Variants in RPH3A observed in about 807,000 individuals in gnomAD.
The protein encoded by RPH3A is rabphilin 3A, also known as rabphilin-3A.
RPH3A carries 48 observed loss-of-function variants against 102.2 expected under a neutral mutation model. That is an observed-to-expected ratio of 0.47 (90% CI 0.37 to 0.60). RPH3A has a LOEUF of 0.60. Ranked by LOEUF, RPH3A falls within the 20% of genes least tolerant of loss-of-function variation. RPH3A has a pLI of 0.00. For synonymous variants in RPH3A, 310 were observed against 324.3 expected, an observed-to-expected ratio of 0.96 and a Z score of 0.47; for missense variants, 781 against 910.1, an observed-to-expected ratio of 0.86 and a Z score of 1.83.
At chr12:112,670,749 G>T (rs2040122482) in intron 1 of RPH3A, among the ~76,000 whole-genome samples, 1 of 152,140 alleles carries the variant, frequency 6.6e-6, no homozygotes, top group African/African-American at 2.4e-5. Context: ...TCTATTTCAA[G>T]CTTGTTCTCA....
upstream of RPH3A, among the ~76,000 whole-genome samples, chr12:112,788,472 A>C (rs1419213187): frequency 1.3e-5 from 2 of 152,178 alleles, no homozygotes; most frequent in Non-Finnish European, 2.9e-5. Context: ...GACAGACCTG[A>C]GATTTGCATC....
At chr12:112,836,446 A>C (rs1479396107) in intron 3 of RPH3A, 45 bp from the exon 4 acceptor site, 1 of 1,241,202 alleles carries the variant, frequency 8.1e-7, no homozygotes, top group South Asian at 1.4e-5. Flanking sequence ...TTCTTACCTA[A>C]CTTTATTCAT....
chr12:112,846,895 G>C (rs2042239253), intron 4 of RPH3A, among the ~76,000 whole-genome samples: 1 of 152,170 alleles, frequency 6.6e-6, no homozygotes, highest in African/African-American at 2.4e-5. Context: ...AACTGTGCAG[G>C]CTCCCTGGGT....
chr12:112,834,292 T>C (rs1593060558), intron 3 of RPH3A, among the ~76,000 whole-genome samples: 1 of 152,260 alleles, frequency 6.6e-6, no homozygotes, highest in Non-Finnish European at 1.5e-5. Flanking sequence ...TCCAATCATA[T>C]TGTTTTGTAT....
intron 1 of RPH3A, among the ~76,000 whole-genome samples, chr12:112,583,253 T>C (rs1399731516): frequency 1.3e-5 from 2 of 152,224 alleles, no homozygotes; most frequent in African/African-American, 2.4e-5. Context: ...GTTTGTTCAA[T>C]AGTGCCAGGT....
chr12:112,661,666 A>G (rs1488657867), intron 1 of RPH3A, among the ~76,000 whole-genome samples: 1 of 152,208 alleles, frequency 6.6e-6, no homozygotes, highest in Non-Finnish European at 1.5e-5. Flanking sequence ...CTCAGAAATG[A>G]GTGAGAGGCT....
intron 1 of RPH3A, among the ~76,000 whole-genome samples, chr12:112,748,553 T>C (rs2040763927): frequency 6.6e-6 from 1 of 152,150 alleles, no homozygotes; most frequent in South Asian, 2.1e-4. Context: ...CGGGCTGGTC[T>C]TGAACTCCTG....
chr12:112,680,414 G>T (rs1012129147), intron 1 of RPH3A, among the ~76,000 whole-genome samples: 1 of 152,106 alleles, frequency 6.6e-6, no homozygotes, highest in African/African-American at 2.4e-5. Context: ...CTTGCCATGT[G>T]CCAGACACTT....
At chr12:112,666,213 G>T (rs921527426) in intron 1 of RPH3A, among the ~76,000 whole-genome samples, 4 of 152,228 alleles carry the variant, frequency 2.6e-5, no homozygotes, top group African/African-American at 9.6e-5. Flanking sequence ...GTTTCAGACA[G>T]AAATGGAACT....
intron 1 of RPH3A, among the ~76,000 whole-genome samples, chr12:112,602,297 C>T (rs1051092862): frequency 4.0e-4 from 61 of 152,166 alleles, no homozygotes; most frequent in African/African-American, 1.3e-3. Flanking sequence ...AAGCCCTCTG[C>T]CTTTCTAACA....
At chr12:112,610,343 A>C (rs987237028) in intron 1 of RPH3A, among the ~76,000 whole-genome samples, 3 of 151,982 alleles carry the variant, frequency 2.0e-5, no homozygotes, top group Admixed American at 6.6e-5. Context: ...TCTCTACTAA[A>C]AATACAAAAA....
At position 112,698,855 on chromosome 12, in the gene RPH3A, TCCTTCC is replaced by T. The variant is rs575847434; in HGVS notation, c.-139-93263_-139-93258del. On this transcript the variant is annotated intron_variant, in intron 1 of 21. Transcript: ENST00000543106. ...CTCCTTCCCCTTTTCCTTCTCCTTC[TCCTTCC>T]CCTTCCCCTTCCCCTTCCCCTTCCG... 3.6e-3 allele frequency among the ~76,000 whole-genome samples: 537 copies of T among 149,316 alleles called. 3 individuals are homozygous for T. The highest frequency in any genetic ancestry group is 0.017 in the Middle Eastern group (5 of 288).
chr12:112,756,219 CT>C (rs1030816985), intron 1 of RPH3A, among the ~76,000 whole-genome samples: 71 of 145,470 alleles, frequency 4.9e-4, no homozygotes, highest in African/African-American at 4.5e-4. Context: ...ACACATCACG[CT>C]TTTTTTTTTT....
At chr12:112,856,322 A>G (rs998765491) in intron 5 of RPH3A, among the ~76,000 whole-genome samples, 1 of 152,240 alleles carries the variant, frequency 6.6e-6, no homozygotes, top group Non-Finnish European at 1.5e-5. Context: ...TTTTTGTGGG[A>G]GGCTGAGCAT....
At chr12:112,702,940 C>G (rs942254135) in intron 1 of RPH3A, among the ~76,000 whole-genome samples, 3 of 152,174 alleles carry the variant, frequency 2.0e-5, no homozygotes, top group Non-Finnish European at 4.4e-5. Context: ...CATTCCCTTT[C>G]CCATCTAGTT....
intron 2 of RPH3A, among the ~76,000 whole-genome samples, chr12:112,810,772 A>G (rs1159673974): frequency 6.6e-6 from 1 of 152,208 alleles, no homozygotes; most frequent in Non-Finnish European, 1.5e-5. Flanking sequence ...AATAAAATAG[A>G]TAACAGCCTA....
intron 2 of RPH3A, among the ~76,000 whole-genome samples, chr12:112,798,633 T>G (rs1445673725): frequency 6.6e-6 from 1 of 152,144 alleles, no homozygotes; most frequent in Non-Finnish European, 1.5e-5. Context: ...TCCGCTCCAT[T>G]GCACATCTTC....
At chr12:112,646,015 C>T (rs1428100996) in intron 1 of RPH3A, among the ~76,000 whole-genome samples, 1 of 152,092 alleles carries the variant, frequency 6.6e-6, no homozygotes, top group Non-Finnish European at 1.5e-5. Context: ...AATAACAGTA[C>T]CTGCCTCATG....
intron 2 of RPH3A, among the ~76,000 whole-genome samples, chr12:112,808,369 G>T (rs901063305): frequency 1.3e-5 from 2 of 152,196 alleles, no homozygotes; most frequent in African/African-American, 4.8e-5. Context: ...CTGGTGGAGC[G>T]GCAGGCTTAT....
Sources: gnomAD v4.1 joint callset for allele counts (sites outside exome capture counted in the v4.1 genomes callset) on GRCh38, gnomAD v4.1.1 for gene constraint, MANE v1.5 for transcripts, NCBI Gene and HGNC (gene_info 2026-07-23, HGNC 2026-07-21) for gene names.